MAPK10: variants seen among roughly 807,000 people sequenced by gnomAD.
MAPK10 encodes the protein JNK3 alpha protein kinase.
MAPK10 carries 25 observed loss-of-function variants against 59.3 expected under a neutral mutation model. The observed-to-expected ratio is 0.42, with a 90% CI of 0.31 to 0.59. The LOEUF is 0.59. Among genes scored for constraint, MAPK10 ranks in the 20% least tolerant of loss-of-function variants. The pLI is 0.15. For missense variants in MAPK10, 351 were observed against 568.9 expected (o/e 0.62, Z 3.90); for synonymous variants, 190 against 200.5 (o/e 0.95, Z 0.44).
At chr4:86,237,100 C>A (rs1022953071) in intron 2 of MAPK10, among the ~76,000 whole-genome samples, 1 of 151,994 alleles carries the variant, frequency 6.6e-6, no homozygotes, top group Non-Finnish European at 1.5e-5. Flanking sequence ...GTTTGGTTTT[C>A]TGTTCCTGTG....
At chr4:86,536,003 T>C (rs1266212688) in intron 1 of MAPK10, among the ~76,000 whole-genome samples, 1 of 152,208 alleles carries the variant, frequency 6.6e-6, no homozygotes, top group African/African-American at 2.4e-5. Flanking sequence ...AGTGAGGCTA[T>C]AGTAATGCAA....
chr4:86,131,242 C>T (rs745934883), intron 4 of MAPK10, among the ~76,000 whole-genome samples: 19 of 152,086 alleles, frequency 1.2e-4, no homozygotes, highest in Non-Finnish European at 2.6e-4. Flanking sequence ...ATGAAAAACA[C>T]GCACAAACAA....
intron 4 of MAPK10, among the ~76,000 whole-genome samples, chr4:86,147,010 T>C (rs2065167505): frequency 6.6e-6 from 1 of 152,204 alleles, no homozygotes; most frequent in Non-Finnish European, 1.5e-5. Flanking sequence ...TGAAGGAAAG[T>C]GCATTTATGA....
intron 4 of MAPK10, among the ~76,000 whole-genome samples, chr4:86,133,266 T>C (rs1313041607): frequency 2.0e-5 from 3 of 152,240 alleles, no homozygotes; most frequent in Non-Finnish European, 4.4e-5. Context: ...GCCAAAAGTA[T>C]ATAGTAAAAA....
At chr4:86,459,761 G>A (rs1751560758) in intron 1 of MAPK10, among the ~76,000 whole-genome samples, 1 of 152,130 alleles carries the variant, frequency 6.6e-6, no homozygotes, top group Non-Finnish European at 1.5e-5. Context: ...TGGGGACTCA[G>A]GCAGAAAGGG....
At chr4:86,476,034 T>C (rs1753063812) in intron 1 of MAPK10, among the ~76,000 whole-genome samples, 1 of 152,138 alleles carries the variant, frequency 6.6e-6, no homozygotes, top group Admixed American at 6.5e-5. Flanking sequence ...ATTCTTATCA[T>C]AAAATGGGCA....
intron 1 of MAPK10, among the ~76,000 whole-genome samples, chr4:86,533,583 A>G (rs1315558141): frequency 1.3e-5 from 2 of 152,162 alleles, no homozygotes; most frequent in Non-Finnish European, 2.9e-5. Context: ...TCCTAAGACA[A>G]TATTTGCTCT....
chr4:86,360,875 T>A (rs1736811123), upstream of MAPK10, among the ~76,000 whole-genome samples: 1 of 152,194 alleles, frequency 6.6e-6, no homozygotes, highest in African/African-American at 2.4e-5. Flanking sequence ...TAAAAAAAAA[T>A]TAGGTTTACC....
At chr4:86,156,292 G>C (rs1490740468) in intron 4 of MAPK10, among the ~76,000 whole-genome samples, 1 of 151,732 alleles carries the variant, frequency 6.6e-6, no homozygotes. Flanking sequence ...TTTAAAGGTT[G>C]GTTAACATAA....
In MAPK10 at chr4:86,113,813, A is replaced by G. The variant is rs543919699; in HGVS notation, c.237-6461T>C. 9.9e-5 allele frequency among the ~76,000 whole-genome samples: 15 copies of G among 152,264 alleles called. No homozygotes were observed. In the South Asian group the frequency reaches 1.0e-3, roughly 11 times the overall value. ...ATGATATTTTGAAGTATGTTTTCCA[A>G]CTTGCTTCCATTCTCCTCATCTCTT... On this transcript the variant is annotated intron_variant, in intron 4 of 13. Coordinates refer to ENST00000641462, the MANE Select transcript of MAPK10 (RefSeq NM_138982.4).
At chr4:86,060,615 T>C (rs751103539) in intron 11 of MAPK10, among the ~76,000 whole-genome samples, 1 of 152,072 alleles carries the variant, frequency 6.6e-6, no homozygotes, top group Non-Finnish European at 1.5e-5. Flanking sequence ...TTCATGAACA[T>C]TGTATTTTCT....
intron 1 of MAPK10, among the ~76,000 whole-genome samples, chr4:86,501,372 C>T (rs1309843077): frequency 6.6e-6 from 1 of 151,782 alleles, no homozygotes; most frequent in African/African-American, 2.4e-5. Context: ...TATATTTTTT[C>T]TGAACCAAGG....
intron 1 of MAPK10, among the ~76,000 whole-genome samples, chr4:86,371,967 G>A (rs1738834071): frequency 6.6e-6 from 1 of 152,140 alleles, no homozygotes; most frequent in Non-Finnish European, 1.5e-5. Flanking sequence ...ATATTAGACA[G>A]ATCAATGAGA....
intron 1 of MAPK10, among the ~76,000 whole-genome samples, chr4:86,538,982 CT>C (rs1002806008): frequency 1.6e-4 from 25 of 152,070 alleles, no homozygotes; most frequent in Non-Finnish European, 3.2e-4. Context: ...AATTAAAAAT[CT>C]TTTTTTAAAA....
At chr4:86,193,065 A>C (rs2149313184) in intron 3 of MAPK10, 1 of 152,368 alleles carries the variant, frequency 6.6e-6, no homozygotes, top group South Asian at 2.1e-4. Flanking sequence ...CTGGGGGTCC[A>C]CTCCAGATCC....
chr4:86,330,136 T>C (rs2096119508), intron 2 of MAPK10, among the ~76,000 whole-genome samples: 1 of 152,204 alleles, frequency 6.6e-6, no homozygotes, highest in Admixed American at 6.5e-5. Flanking sequence ...TATTGTGCTG[T>C]GTCCGTTCAG....
chr4:86,243,486 T>G (rs2092879845), intron 2 of MAPK10, among the ~76,000 whole-genome samples: 1 of 152,214 alleles, frequency 6.6e-6, no homozygotes, highest in Non-Finnish European at 1.5e-5. Flanking sequence ...TTTTACAATC[T>G]AGCGACCTCT....
At chr4:86,460,716 A>C (rs1449531440) in intron 1 of MAPK10, among the ~76,000 whole-genome samples, 1 of 152,234 alleles carries the variant, frequency 6.6e-6, no homozygotes, top group Non-Finnish European at 1.5e-5. Flanking sequence ...CTTAAACCAC[A>C]AACAATAGCA....
intron 1 of MAPK10, among the ~76,000 whole-genome samples, chr4:86,538,779 G>C (rs550806934): frequency 2.0e-5 from 3 of 152,104 alleles, no homozygotes; most frequent in African/African-American, 7.2e-5. Flanking sequence ...TAATATGATA[G>C]CTCAAGGGCT....
Sources: gnomAD v4.1 joint callset for allele counts (sites outside exome capture counted in the v4.1 genomes callset) on GRCh38, gnomAD v4.1.1 for gene constraint, MANE v1.5 for transcripts, NCBI Gene and HGNC (gene_info 2026-07-23, HGNC 2026-07-21) for gene names.